Variants in NUCB2 observed in about 807,000 individuals in gnomAD.
NUCB2 encodes nucleobindin-2.
Under a neutral mutation model 57.9 loss-of-function variants are expected in NUCB2, and 48 were observed. The observed-to-expected ratio is 0.83, with a 90% CI of 0.66 to 1.05. NUCB2 has a LOEUF of 1.05. Among genes scored for constraint, NUCB2 ranks in the 50% least tolerant of loss-of-function variants. The pLI is 0.00. For synonymous variants in NUCB2, 139 were observed against 152.1 expected (o/e 0.91, Z 0.64); for missense variants, 442 against 476.2 (o/e 0.93, Z 0.67).
chr11:17,306,706 C>T (rs11024245), intron 5 of NUCB2, among the ~76,000 whole-genome samples: 8,153 of 152,124 alleles, frequency 0.054, 836 homozygotes, highest in East Asian at 0.44. Flanking sequence ...CACCTGAGGT[C>T]AGGAGTTCGA....
intron 1 of NUCB2, among the ~76,000 whole-genome samples, chr11:17,282,254 A>ATTTTT (rs1289280941): frequency 1.9e-5 from 2 of 107,900 alleles, no homozygotes; most frequent in East Asian, 3.6e-4. Flanking sequence ...ATATATATAT[A>ATTTTT]TATATTTTTT....
chr11:17,336,945 T>C (rs1025844594), downstream of NUCB2, among the ~76,000 whole-genome samples: 4 of 151,940 alleles, frequency 2.6e-5, no homozygotes, highest in African/African-American at 9.7e-5. Flanking sequence ...TAACATGATT[T>C]TTTTTTTCTT....
At chr11:17,311,577 T>C (rs1948488899) in intron 8 of NUCB2, among the ~76,000 whole-genome samples, 1 of 152,182 alleles carries the variant, frequency 6.6e-6, no homozygotes, top group Admixed American at 6.5e-5. Flanking sequence ...ATAGGCTTTA[T>C]ACTATAATAT....
chr11:17,296,675 G>A (rs1945872559), intron 4 of NUCB2, among the ~76,000 whole-genome samples: 2 of 152,204 alleles, frequency 1.3e-5, no homozygotes, highest in East Asian at 1.9e-4. Context: ...CTAGACAAAG[G>A]TGCAATGGTA....
At chr11:17,292,610 T>A (rs1200612119) in intron 2 of NUCB2, among the ~76,000 whole-genome samples, 1 of 152,178 alleles carries the variant, frequency 6.6e-6, no homozygotes, top group Non-Finnish European at 1.5e-5. Flanking sequence ...GGGACCATAC[T>A]TTTGAGAACC....
At chr11:17,340,056 A>G (rs1309118206) in intron 2 of NUCB2, among the ~76,000 whole-genome samples, 4 of 152,154 alleles carry the variant, frequency 2.6e-5, no homozygotes, top group African/African-American at 7.2e-5. Flanking sequence ...TAACTGGTAT[A>G]AGATGGTATC....
chr11:17,328,143 T>C (rs1950925193), intron 11 of NUCB2, among the ~76,000 whole-genome samples: 2 of 152,248 alleles, frequency 1.3e-5, no homozygotes, highest in African/African-American at 4.8e-5. Flanking sequence ...TTGCAGACTC[T>C]TAAAAGTACC....
At chr11:17,341,379 T>A (rs1952251201) in intron 2 of NUCB2, among the ~76,000 whole-genome samples, 1 of 151,832 alleles carries the variant, frequency 6.6e-6, no homozygotes, top group Non-Finnish European at 1.5e-5. Flanking sequence ...AGAGAGGGCA[T>A]CCCTGTCTTG....
intron 2 of NUCB2, among the ~76,000 whole-genome samples, chr11:17,287,165 A>G (rs1472057081): frequency 1.4e-5 from 2 of 145,326 alleles, no homozygotes; most frequent in Admixed American, 6.7e-5. Context: ...CAACTCTACC[A>G]AAAAAAAATA....
At chr11:17,344,596 G>A (rs1055662460) in intron 2 of NUCB2, among the ~76,000 whole-genome samples, 1 of 152,044 alleles carries the variant, frequency 6.6e-6, no homozygotes, top group Non-Finnish European at 1.5e-5. Context: ...CAGCTTTATG[G>A]GACTCTATTA....
At chr11:17,326,715 TTTAC>T (rs1950734452) in intron 11 of NUCB2, among the ~76,000 whole-genome samples, 1 of 152,324 alleles carries the variant, frequency 6.6e-6, no homozygotes, top group East Asian at 1.9e-4. Context: ...CGTTTGGTCT[TTTAC>T]TTAAGTCAAG....
intron 2 of NUCB2, among the ~76,000 whole-genome samples, chr11:17,284,428 T>G (rs1041845000): frequency 6.6e-6 from 1 of 152,158 alleles, no homozygotes; most frequent in African/African-American, 2.4e-5. Context: ...ATAAATAGCT[T>G]TGAGAAAAAG....
chr11:17,301,106 G>A (rs1459473918), intron 4 of NUCB2, among the ~76,000 whole-genome samples: 4 of 148,104 alleles, frequency 2.7e-5, no homozygotes, highest in Non-Finnish European at 6.0e-5. Context: ...CCGAGTAGCT[G>A]AGATTACAGG....
intron 2 of NUCB2, among the ~76,000 whole-genome samples, chr11:17,289,000 C>T (rs1944482838): frequency 7.1e-6 from 1 of 141,304 alleles, no homozygotes; most frequent in South Asian, 2.2e-4. Flanking sequence ...CTCTGTTGCC[C>T]AGGTTGGAAT....
At position 17,310,826 on chromosome 11, in the gene NUCB2, C is replaced by A; in HGVS notation, c.485C>A (p.Ala162Glu). Reference protein sequence around the residue: ...STDLDMLIKAATSDLEHYDKT... With the variant: ...STDLDMLIKAETSDLEHYDKT... ...CTTAAATGCATTATTGCATTTCAGG[C>A]AACAAGTGATCTGGAACACTATGAC... Residue 162 changes from alanine to glutamate, a missense_variant and splice_region_variant, in exon 7 of 14, where the codon GCA becomes GAA. Transcript: ENST00000529010. 1 of 1,572,718 alleles carries A rather than the reference C, an allele frequency of 6.4e-7. No homozygotes were observed. The highest frequency in any genetic ancestry group is 8.6e-7 in the Non-Finnish European group (1 of 1,168,174).
intron 9 of NUCB2, 21 bp downstream of exon 9, chr11:17,311,951 T>G: frequency 6.4e-7 from 1 of 1,550,658 alleles, no homozygotes; most frequent in Middle Eastern, 1.7e-4. Context: ...TTATTAAGTA[T>G]TCAGTGTTCT....
At chr11:17,313,553 T>G (rs1250902018) in intron 10 of NUCB2, among the ~76,000 whole-genome samples, 1 of 152,100 alleles carries the variant, frequency 6.6e-6, no homozygotes, top group East Asian at 1.9e-4. Flanking sequence ...AGCAAACCCT[T>G]TTTTCAGTAC....
rs370764132 is a variant in NUCB2 at position 17,302,200 on chromosome 11, T to G, written c.379+330T>G. ...GAGCTGGCGGGCCTGGCTAGAAAAT[T>G]TTAACATTTGGTTGTTGAGGTCAGT... On this transcript the variant is annotated intron_variant, in intron 5 of 13. Coordinates refer to ENST00000529010, the MANE Select transcript of NUCB2 (RefSeq NM_005013.4). Among the ~76,000 whole-genome samples, 17 of 152,312 alleles carry G rather than the reference T, an allele frequency of 1.1e-4. No homozygotes were observed. In the South Asian group the frequency reaches 1.7e-3, roughly 15 times the overall value.
At chr11:17,301,559 G>A (rs1266975532) in intron 4 of NUCB2, among the ~76,000 whole-genome samples, 185 bp from the exon 5 acceptor site, 7 of 152,110 alleles carry the variant, frequency 4.6e-5, no homozygotes, top group African/African-American at 7.2e-5. Flanking sequence ...GATTACAGGC[G>A]TGAGCCACCA....
Sources: allele counts gnomAD v4.1 joint callset (sites outside exome capture counted in the v4.1 genomes callset), GRCh38; gene constraint gnomAD v4.1.1; transcripts MANE v1.5; gene names NCBI Gene and HGNC (gene_info 2026-07-23, HGNC 2026-07-21).